KCNC2: variants seen among roughly 807,000 people sequenced by gnomAD.
KCNC2 encodes voltage-gated potassium channel KCNC2.
Under a neutral mutation model 44.5 loss-of-function variants are expected in KCNC2, and 21 were observed. That is an observed-to-expected ratio of 0.47 (90% CI 0.33 to 0.68). The LOEUF (loss-of-function observed/expected upper bound fraction) is 0.68. Among genes scored for constraint, KCNC2 ranks in the 30% least tolerant of loss-of-function variants. The pLI is 0.01. For synonymous variants in KCNC2, 391 were observed against 339.1 expected, an observed-to-expected ratio of 1.15 and a Z score of -1.68; for missense variants, 589 against 826.2, an observed-to-expected ratio of 0.71 and a Z score of 3.52.
intron 2 of KCNC2, among the ~76,000 whole-genome samples, chr12:75,103,533 T>C (rs928757851): frequency 5.3e-5 from 8 of 152,176 alleles, no homozygotes; most frequent in African/African-American, 1.7e-4. Flanking sequence ...CATTTGCTTA[T>C]TTGCTAGCAA....
At position 75,040,396 on chromosome 12, in the gene KCNC2, G is replaced by T. The variant is rs1350540843; in HGVS notation, c.*2709C>A. 1 of 152,220 alleles carries T rather than the reference G, an allele frequency of 6.6e-6. No individual in the cohort carries two copies. The highest frequency in any genetic ancestry group is 1.9e-4 in the East Asian group (1 of 5,166). 9.4% of individuals were successfully genotyped at this position (152,220 alleles called of 1,614,324 possible). On this transcript the variant is annotated 3_prime_UTR_variant, in exon 5 of 5. Transcript: ENST00000549446. ...ACTCACAAAAAAGTAATTGATTAAA[G>T]AATATCTCTTTTATGCAAAATATAC...
At chr12:75,190,223 C>G (rs1486148684) in intron 2 of KCNC2, among the ~76,000 whole-genome samples, 1 of 152,204 alleles carries the variant, frequency 6.6e-6, no homozygotes, top group Non-Finnish European at 1.5e-5. Context: ...AACTACCTCT[C>G]TAGGCCCTCT....
intron 2 of KCNC2, among the ~76,000 whole-genome samples, chr12:75,102,541 T>G (rs1163406017): frequency 1.3e-5 from 2 of 152,072 alleles, no homozygotes; most frequent in Admixed American, 1.3e-4. Context: ...TTATTTAGGG[T>G]ATGTATTTTT....
At chr12:75,152,663 G>A (rs1365759102) in intron 2 of KCNC2, among the ~76,000 whole-genome samples, 1 of 151,928 alleles carries the variant, frequency 6.6e-6, no homozygotes, top group East Asian at 1.9e-4. Flanking sequence ...CAGTAAAAAT[G>A]ACTAATCGTA....
chr12:75,062,948 A>C (rs1280051145), intron 2 of KCNC2, among the ~76,000 whole-genome samples: 1 of 152,118 alleles, frequency 6.6e-6, no homozygotes, highest in East Asian at 1.9e-4. Context: ...CATTCTTAAA[A>C]GTAAAATATT....
intron 2 of KCNC2, among the ~76,000 whole-genome samples, chr12:75,098,595 CT>C (rs1180685858): frequency 6.6e-6 from 1 of 151,886 alleles, no homozygotes; most frequent in Non-Finnish European, 1.5e-5. Context: ...CCCATTTCTA[CT>C]AAAATTACAG....
At chr12:75,043,343 A>G in intron 4 of KCNC2, 102 bp from the exon 5 acceptor site, 1 of 1,476,106 alleles carries the variant, frequency 6.8e-7, no homozygotes, top group Non-Finnish European at 9.0e-7. Flanking sequence ...TCAAGCTCAA[A>G]GAAGAATTTG....
At chr12:75,070,907 A>G (rs1043455072) in intron 2 of KCNC2, among the ~76,000 whole-genome samples, 1 of 152,184 alleles carries the variant, frequency 6.6e-6, no homozygotes, top group Non-Finnish European at 1.5e-5. Context: ...TTAAAAATAC[A>G]TTCTTTTAAA....
Position 75,207,187 on chromosome 12 carries a change from G to T in KCNC2, c.687+110C>A, listed in dbSNP as rs755972158. The T allele has an allele frequency of 4.1e-6, 6 of 1,453,982 alleles. No homozygotes were observed. In the Admixed American group the frequency reaches 1.2e-4, roughly 28 times the overall value. 90.1% of individuals were successfully genotyped at this position (1,453,982 alleles called of 1,614,324 possible). A position where few individuals can be genotyped will look rare whatever the true frequency, so the allele number is the denominator to read the frequency against. ...CTAACTGTATCGCTAGGAAATCCCGGGTCTCTTCTACCCCCCATGCCTGAG... is the reference window on the plus strand; with the variant it reads ...CTAACTGTATCGCTAGGAAATCCCGTGTCTCTTCTACCCCCCATGCCTGAG... On this transcript the variant is annotated intron_variant, in intron 2 of 4. Coordinates refer to ENST00000549446, the MANE Select transcript of KCNC2 (RefSeq NM_139137.4). The surrounding 1 kb of genome is among the most constrained non-coding windows in gnomAD (Gnocchi z 4.1).
intron 2 of KCNC2, among the ~76,000 whole-genome samples, chr12:75,138,979 T>TTAAAAAAA (rs1178222937): frequency 1.2e-4 from 9 of 77,934 alleles, no homozygotes; most frequent in African/African-American, 4.8e-4. Flanking sequence ...AGACTCCGTG[T>TTAAAAAAA]AAAAAAAAAA....
intron 4 of KCNC2, 36 bp downstream of exon 4, chr12:75,048,115 TAA>T (rs1279970883): frequency 1.9e-6 from 3 of 1,582,392 alleles, no homozygotes; most frequent in Non-Finnish European, 2.6e-6. Flanking sequence ...AGTTTATTGC[TAA>T]GTCACCTGTT....
chr12:75,165,619 G>C (rs1891397963), intron 2 of KCNC2, among the ~76,000 whole-genome samples: 1 of 151,236 alleles, frequency 6.6e-6, no homozygotes, highest in Non-Finnish European at 1.5e-5. Context: ...TCTAAATATG[G>C]AGAACAATGA....
chr12:75,176,685 C>T (rs1230298624), intron 2 of KCNC2, among the ~76,000 whole-genome samples: 7 of 151,784 alleles, frequency 4.6e-5, no homozygotes, highest in Non-Finnish European at 7.4e-5. Context: ...TGTCTGCCAC[C>T]TAAGCTTAAG....
Position 75,041,500 on chromosome 12 carries a change from C to T in KCNC2, c.*1605G>A, listed in dbSNP as rs1592741870. ...GGAATTAATCAGCAGTCTCAAGGCT[C>T]CCAAATGCCTTAGTGATATTATTTA... is the stretch of plus-strand genomic sequence containing the variant. On this transcript the variant is annotated 3_prime_UTR_variant, in exon 5 of 5. Transcript: ENST00000549446. 1 of 1,185,042 alleles carries T rather than the reference C, an allele frequency of 8.4e-7. No homozygotes were observed. The highest frequency in any genetic ancestry group is 2.1e-5 in the South Asian group (1 of 48,192). The allele number at this position is 1,185,042 out of a possible 1,614,324, so 73.4% of individuals were successfully genotyped here.
At chr12:75,192,207 G>C (rs1160614866) in intron 2 of KCNC2, among the ~76,000 whole-genome samples, 3 of 152,080 alleles carry the variant, frequency 2.0e-5, no homozygotes, top group African/African-American at 7.2e-5. Flanking sequence ...TCTTTTTCCT[G>C]CGCTCCTTGT....
chr12:75,104,547 C>T (rs1419400486), intron 2 of KCNC2, among the ~76,000 whole-genome samples: 1 of 151,946 alleles, frequency 6.6e-6, no homozygotes, highest in Non-Finnish European at 1.5e-5. Context: ...TGAGTATATT[C>T]AAATGAGTTC....
chr12:75,040,930 A>C lies in KCNC2; in HGVS notation c.*2175T>G. 1 of 582,762 alleles carries C rather than the reference A, an allele frequency of 1.7e-6. No individual in the cohort carries two copies. Among genetic ancestry groups the C allele is most frequent in the Non-Finnish European group, 3.1e-6 (1 of 326,446 alleles). 36.1% of individuals were successfully genotyped at this position (582,762 alleles called of 1,614,324 possible). On this transcript the variant is annotated 3_prime_UTR_variant, in exon 5 of 5. Coordinates refer to ENST00000549446, the MANE Select transcript of KCNC2 (RefSeq NM_139137.4). ...TGATGAGAAATGGCCAAGACTGTTG[A>C]CCCATGCACACATGTTGGTATTTAC...
At chr12:75,201,995 T>A (rs1848841671) in intron 2 of KCNC2, among the ~76,000 whole-genome samples, 1 of 151,926 alleles carries the variant, frequency 6.6e-6, no homozygotes, top group Admixed American at 6.6e-5. Flanking sequence ...AAGAATACAA[T>A]ACTTGAAAAT....
chr12:75,043,589 TA>T, intron 4 of KCNC2: 1 of 1,233,728 alleles, frequency 8.1e-7, no homozygotes, highest in Non-Finnish European at 1.0e-6. Context: ...CTAATATTTT[TA>T]AATTTCAGAA....
Sources: allele counts gnomAD v4.1 joint callset (sites outside exome capture counted in the v4.1 genomes callset), GRCh38; gene constraint gnomAD v4.1.1; non-coding constraint Gnocchi (gnomAD v3.1); transcripts MANE v1.5; gene names NCBI Gene and HGNC (gene_info 2026-07-23, HGNC 2026-07-21).